RANBP17: variants seen among roughly 807,000 people sequenced by gnomAD.
RANBP17 encodes the protein ran-binding protein 17.
RANBP17 carries 158 observed loss-of-function variants against 141.2 expected under a neutral mutation model. The ratio of observed to expected loss-of-function variants is 1.12; its 90% CI spans 0.98 to 1.28. RANBP17 has a LOEUF of 1.28. RANBP17 is among the 50% of genes most tolerant of loss of function. The pLI is 0.00. For synonymous variants in RANBP17, 430 were observed against 450.0 expected (o/e 0.96, Z 0.56); for missense variants, 1,438 against 1,290.7 (o/e 1.11, Z -1.75).
intron 14 of RANBP17, among the ~76,000 whole-genome samples, chr5:171,105,210 G>A (rs888956895): frequency 7.3e-5 from 11 of 149,740 alleles, no homozygotes; most frequent in Admixed American, 2.0e-4. Context: ...GTGAAACCCC[G>A]TCTCTACTAA....
At chr5:171,243,338 T>A (rs1054227540) in intron 24 of RANBP17, among the ~76,000 whole-genome samples, 1 of 152,250 alleles carries the variant, frequency 6.6e-6, no homozygotes, top group Non-Finnish European at 1.5e-5. Flanking sequence ...TTCATTCATG[T>A]TATTTTGAAA....
chr5:171,257,716 A>G (rs1765993836), intron 24 of RANBP17, among the ~76,000 whole-genome samples: 1 of 152,226 alleles, frequency 6.6e-6, no homozygotes, highest in African/African-American at 2.4e-5. Flanking sequence ...TGCAGGATAG[A>G]AAATCATTGT....
chr5:170,878,076 T>C, intron 1 of RANBP17, 21 bp from the exon 2 acceptor site: 1 of 1,529,102 alleles, frequency 6.5e-7, no homozygotes, highest in South Asian at 1.3e-5. Context: ...AAGTAAAATG[T>C]TAATTTTTTT....
intron 13 of RANBP17, among the ~76,000 whole-genome samples, chr5:170,958,551 T>A (rs1207192044): frequency 6.6e-6 from 1 of 152,186 alleles, no homozygotes; most frequent in Non-Finnish European, 1.5e-5. Flanking sequence ...CTAAGAATGA[T>A]GTCTTACGTA....
chr5:171,005,596 A>G (rs1779541571), intron 14 of RANBP17, among the ~76,000 whole-genome samples: 1 of 152,254 alleles, frequency 6.6e-6, no homozygotes, highest in Admixed American at 6.5e-5. Flanking sequence ...AATTAATTCA[A>G]GATGGATTAA....
Position 171,043,853 on chromosome 5 carries a change from A to T in RANBP17, c.1710+75476A>T, listed in dbSNP as rs150141459. Among the ~76,000 whole-genome samples, 949 of 152,294 alleles carry T rather than the reference A, an allele frequency of 6.2e-3. 6 individuals carry two copies. The highest frequency in any genetic ancestry group is 0.034 in the Middle Eastern group (10 of 294). On this transcript the variant is annotated intron_variant, in intron 14 of 27. Transcript: ENST00000523189. ...TCTTAAGCCATGGTTTGGAACTCTA[A>T]GAGATTTAAACTCAGATTGGTGAGA...
intron 20 of RANBP17, among the ~76,000 whole-genome samples, chr5:171,213,000 C>T (rs372560423): frequency 6.6e-6 from 1 of 152,144 alleles, no homozygotes; most frequent in South Asian, 2.1e-4. Context: ...TCTTTAGTGA[C>T]ACTGATGTTG....
intron 22 of RANBP17, among the ~76,000 whole-genome samples, chr5:171,235,322 CTTTTT>C (rs554291422): frequency 1.5e-5 from 2 of 132,458 alleles, no homozygotes; most frequent in African/African-American, 2.8e-5. Context: ...TTGCATGTGT[CTTTTT>C]TTTTTTTTTT....
chr5:171,090,177 A>G (rs909936881), intron 14 of RANBP17, among the ~76,000 whole-genome samples: 2 of 152,198 alleles, frequency 1.3e-5, no homozygotes, highest in Admixed American at 6.5e-5. Context: ...GACTTGTTGA[A>G]TGGCTTTGAC....
intron 14 of RANBP17, among the ~76,000 whole-genome samples, chr5:171,041,327 C>T (rs1353359484): frequency 6.6e-6 from 1 of 152,064 alleles, no homozygotes; most frequent in Non-Finnish European, 1.5e-5. Flanking sequence ...TTTTGATCAT[C>T]TCAGGGCACA....
At chr5:171,001,070 C>T (rs147039988) in intron 14 of RANBP17, among the ~76,000 whole-genome samples, 3 of 152,114 alleles carry the variant, frequency 2.0e-5, no homozygotes, top group Non-Finnish European at 4.4e-5. Context: ...AAAAGCAAAG[C>T]AAAATAGTGG....
chr5:170,976,516 C>T (rs1316247754), intron 14 of RANBP17, among the ~76,000 whole-genome samples: 1 of 152,068 alleles, frequency 6.6e-6, no homozygotes, highest in Non-Finnish European at 1.5e-5. Context: ...TAAAAGAACG[C>T]AGAATAGCCA....
chr5:171,265,797 G>A lies in RANBP17; in HGVS notation c.2893G>A (p.Gly965Ser), dbSNP rs1006291757. The A allele has an allele frequency of 2.5e-6, 4 of 1,613,968 alleles. 1 individual carries two copies. Among genetic ancestry groups the A allele is most frequent in the East Asian group, 4.5e-5 (2 of 44,892 alleles). ...PLRCREATQAGQRLLHFMQQN... is the reference protein window; with the variant it reads ...PLRCREATQASQRLLHFMQQN... ...TCGATGCAGAGAGGCTACCCAGGCT[G>A]GTCAGAGACTATTACATTTTATGCA... The change falls in exon 25 of 28, where the codon GGT becomes AGT. Residue 965 changes from glycine to serine, a missense_variant. Coordinates refer to ENST00000523189, the MANE Select transcript of RANBP17 (RefSeq NM_022897.5).
At chr5:170,968,205 G>A (rs745381391) in intron 13 of RANBP17, 37 bp from the exon 14 acceptor site, 7 of 1,451,088 alleles carry the variant, frequency 4.8e-6, no homozygotes, top group Non-Finnish European at 5.6e-6. Context: ...CTAAGGTTTT[G>A]TACTGAAGGT....
At chr5:171,033,321 T>C (rs566834901) in intron 14 of RANBP17, among the ~76,000 whole-genome samples, 1 of 152,288 alleles carries the variant, frequency 6.6e-6, no homozygotes, top group South Asian at 2.1e-4. Flanking sequence ...TTCTAAGCAA[T>C]GAATACAGAT....
chr5:170,966,164 A>G (rs1281385496), intron 13 of RANBP17, among the ~76,000 whole-genome samples: 3 of 152,028 alleles, frequency 2.0e-5, no homozygotes, highest in Non-Finnish European at 2.9e-5. Flanking sequence ...ATCAGTAGAA[A>G]AAGAGGGAAT....
intron 14 of RANBP17, among the ~76,000 whole-genome samples, chr5:171,030,994 A>G (rs1052934948): frequency 6.6e-6 from 1 of 151,948 alleles, no homozygotes; most frequent in Non-Finnish European, 1.5e-5. Flanking sequence ...GTAGTTTTTT[A>G]GGTAGACACA....
chr5:171,050,531 G>A (rs76799590), intron 14 of RANBP17, among the ~76,000 whole-genome samples: 7,370 of 152,062 alleles, frequency 0.048, 460 homozygotes, highest in African/African-American at 0.13. Context: ...GACCAGCAAA[G>A]CCCCGTCTCT....
At chr5:170,903,306 G>T (rs1400362918) in intron 5 of RANBP17, among the ~76,000 whole-genome samples, 2 of 151,918 alleles carry the variant, frequency 1.3e-5, no homozygotes, top group East Asian at 3.9e-4. Context: ...GCCTACTCAA[G>T]CTTCAGTAAT....
Sources: gnomAD v4.1 joint callset for allele counts (sites outside exome capture counted in the v4.1 genomes callset) on GRCh38, gnomAD v4.1.1 for gene constraint, MANE v1.5 for transcripts, NCBI Gene and HGNC (gene_info 2026-07-23, HGNC 2026-07-21) for gene names.